MTF2: variants seen among roughly 807,000 people sequenced by gnomAD.
MTF2 encodes the protein metal response element binding transcription factor 2, also known as metal-response element-binding transcription factor 2.
MTF2 carries 11 observed loss-of-function variants against 79.5 expected under a neutral mutation model. That is an observed-to-expected ratio of 0.14 (90% confidence interval 0.09 to 0.23). The LOEUF is 0.23. Ranked by LOEUF, MTF2 falls within the 10% of genes least tolerant of loss-of-function variation. MTF2 has a pLI of 1.00. For missense variants in MTF2, 486 were observed against 711.2 expected, an observed-to-expected ratio of 0.68 and a Z score of 3.60; for synonymous variants, 208 against 232.8, an observed-to-expected ratio of 0.89 and a Z score of 0.97.
chr1:93,134,070 A>G (rs1647270907), intron 13 of MTF2, 21 bp from the exon 14 acceptor site: 2 of 1,579,070 alleles, frequency 1.3e-6, no homozygotes, highest in Non-Finnish European at 8.7e-7. Context: ...TCGTTACACA[A>G]TTTAAATTCT....
Position 93,138,367 on chromosome 1 carries a change from G to T in MTF2, c.*1340G>T, listed in dbSNP as rs962284434. 3.3e-5 allele frequency: 5 copies of T among 152,048 alleles called. No individual in the cohort carries two copies. Among genetic ancestry groups the T allele is most frequent in the African/African-American group, 1.2e-4 (5 of 41,398 alleles). The allele number at this position is 152,048 out of a possible 1,614,324, so 9.4% of individuals were successfully genotyped here. On this transcript the variant is annotated 3_prime_UTR_variant, in exon 15 of 15. Transcript: ENST00000370298. The stretch of plus-strand genomic sequence containing the variant: ...ATTTTACTTTTAAAAGTGATTGGTG[G>T]ATTTTAGACTAATTATGGGGGAATT...
intron 11 of MTF2, 65 bp downstream of exon 11, chr1:93,129,513 T>G (rs1183354364): frequency 2.3e-6 from 3 of 1,312,950 alleles, no homozygotes; most frequent in Non-Finnish European, 3.1e-6. Context: ...TGTATGTTAT[T>G]TAGTCTCCTT....
intron 9 of MTF2, among the ~76,000 whole-genome samples, chr1:93,126,734 A>G (rs1187596758): frequency 6.6e-6 from 1 of 152,104 alleles, no homozygotes; most frequent in Non-Finnish European, 1.5e-5. Flanking sequence ...TCAATTTTAC[A>G]GTATTCTAAA....
chr1:93,136,564 C>G, intron 14 of MTF2, 106 bp from the exon 15 acceptor site: 1 of 913,992 alleles, frequency 1.1e-6, no homozygotes, highest in Non-Finnish European at 1.7e-6. Flanking sequence ...TTTATATCAT[C>G]AAGGATATAT....
At chr1:93,088,547 A>G (rs960948776) in intron 1 of MTF2, among the ~76,000 whole-genome samples, 7 of 152,166 alleles carry the variant, frequency 4.6e-5, no homozygotes, top group African/African-American at 7.2e-5. Flanking sequence ...AATACTTGAT[A>G]TATTATATTT....
chr1:93,115,239 A>C (rs1656202538), intron 5 of MTF2, 151 bp downstream of exon 5: 1 of 693,078 alleles, frequency 1.4e-6, no homozygotes, highest in Admixed American at 3.2e-5. Context: ...ATGATGCTTA[A>C]GTGACTTTTT....
chr1:93,130,726 G>A (rs1288283464), intron 11 of MTF2, among the ~76,000 whole-genome samples: 1 of 152,142 alleles, frequency 6.6e-6, no homozygotes, highest in Non-Finnish European at 1.5e-5. Flanking sequence ...CACTCAAATG[G>A]AGAGAAAACA....
Position 93,115,064 on chromosome 1 carries a change from G to A in MTF2, c.459G>A (p.Gln153=). The A allele has an allele frequency of 1.2e-6, 2 of 1,609,450 alleles. No individual in the cohort carries two copies. The highest frequency in any genetic ancestry group is 1.7e-6 in the Non-Finnish European group (2 of 1,176,290). Residue 153 remains glutamine, a synonymous_variant, in exon 5 of 15, where the codon CAG becomes CAA. Coordinates refer to ENST00000370298, the MANE Select transcript of MTF2 (RefSeq NM_007358.4). ...CAGATGAAAAATGGCTCTGTCGGCA[G>A]TGTGTTTTTGCAACAACAACAAAGG... ...IDSDEKWLCR[Q]CVFATTTKRG...
chr1:93,134,493 C>G (rs1249868573), intron 14 of MTF2: 1 of 280,592 alleles, frequency 3.6e-6, no homozygotes, highest in South Asian at 7.0e-5. Flanking sequence ...GCCTCTGCTA[C>G]ACAAGTGTTC....
At chr1:93,094,441 G>A (rs139339497) in intron 1 of MTF2, among the ~76,000 whole-genome samples, 1 of 152,110 alleles carries the variant, frequency 6.6e-6, no homozygotes, top group Non-Finnish European at 1.5e-5. Context: ...TGCATTTTGA[G>A]GGTTGTAGTT....
chr1:93,116,813 T>C (rs143764758), intron 6 of MTF2, among the ~76,000 whole-genome samples: 2 of 152,256 alleles, frequency 1.3e-5, no homozygotes, highest in African/African-American at 2.4e-5. Context: ...CACTGTAAGA[T>C]TATTAATTAG....
intron 3 of MTF2, among the ~76,000 whole-genome samples, chr1:93,114,182 C>T (rs1043465781): frequency 4.6e-5 from 7 of 152,044 alleles, no homozygotes; most frequent in African/African-American, 1.7e-4. Flanking sequence ...GGTGTTCAAC[C>T]TGTTTAATAA....
At chr1:93,104,933 G>C (rs1655704032) in intron 1 of MTF2, among the ~76,000 whole-genome samples, 1 of 152,032 alleles carries the variant, frequency 6.6e-6, no homozygotes, top group Non-Finnish European at 1.5e-5. Context: ...GAGGCAGGCA[G>C]ATCACGAGGT....
chr1:93,124,293 T>C (rs957440490), intron 9 of MTF2, among the ~76,000 whole-genome samples: 4 of 152,094 alleles, frequency 2.6e-5, no homozygotes, highest in African/African-American at 9.7e-5. Flanking sequence ...TTTGAAACCA[T>C]GATAAACTTT....
intron 1 of MTF2, among the ~76,000 whole-genome samples, chr1:93,109,057 C>T (rs1267611784): frequency 6.6e-6 from 1 of 152,056 alleles, no homozygotes; most frequent in Non-Finnish European, 1.5e-5. Flanking sequence ...CTTTTTGAAA[C>T]TTTTTTCTTT....
intron 7 of MTF2, among the ~76,000 whole-genome samples, 199 bp from the exon 8 acceptor site, chr1:93,119,134 A>G (rs1320157385): frequency 6.6e-6 from 1 of 152,250 alleles, no homozygotes; most frequent in Non-Finnish European, 1.5e-5. Flanking sequence ...TTCTCTTCAC[A>G]TATGAACTGT....
intron 1 of MTF2, among the ~76,000 whole-genome samples, chr1:93,082,182 G>A (rs1654632665): frequency 1.3e-5 from 2 of 151,176 alleles, no homozygotes; most frequent in Admixed American, 1.3e-4. Flanking sequence ...AAATTACTTT[G>A]TTTTTACACT....
At chr1:93,113,740 T>C (rs2101062519) in intron 3 of MTF2, among the ~76,000 whole-genome samples, 1 of 152,328 alleles carries the variant, frequency 6.6e-6, no homozygotes, top group Admixed American at 6.5e-5. Context: ...CTTGATGTTT[T>C]CTCAGGGTCT....
intron 9 of MTF2, among the ~76,000 whole-genome samples, chr1:93,126,525 C>T (rs1656704746): frequency 6.6e-6 from 1 of 151,120 alleles, no homozygotes; most frequent in African/African-American, 2.4e-5. Flanking sequence ...CAGGATGGTC[C>T]TTTTGTAATT....
Sources: gnomAD v4.1 joint callset for allele counts (sites outside exome capture counted in the v4.1 genomes callset) on GRCh38, gnomAD v4.1.1 for gene constraint, MANE v1.5 for transcripts, NCBI Gene and HGNC (gene_info 2026-07-23, HGNC 2026-07-21) for gene names.